The following DOCK8 variants were observed in gnomAD, a reference collection of about 807,000 sequenced individuals.
DOCK8 encodes the protein dedicator of cytokinesis protein 8.
Under a neutral mutation model 245.6 loss-of-function variants are expected in DOCK8, and 141 were observed. That is an observed-to-expected ratio of 0.57 (90% CI 0.50 to 0.66). DOCK8 has a LOEUF of 0.66. DOCK8 is among the 30% of genes least tolerant of loss of function. The pLI is 0.00. For missense variants in DOCK8, 2,965 were observed against 2,603.4 expected, an observed-to-expected ratio of 1.14 and a Z score of -3.02; for synonymous variants, 1,168 against 970.2, an observed-to-expected ratio of 1.20 and a Z score of -3.79.
intron 2 of DOCK8, among the ~76,000 whole-genome samples, chr9:285,905 C>G (rs954223373): frequency 6.6e-6 from 1 of 152,074 alleles, no homozygotes; most frequent in Non-Finnish European, 1.5e-5. Flanking sequence ...AAATCACTGC[C>G]CTGGATTGTT....
intron 23 of DOCK8, among the ~76,000 whole-genome samples, chr9:389,372 C>T (rs374637935): frequency 6.6e-6 from 1 of 152,200 alleles, no homozygotes; most frequent in African/African-American, 2.4e-5. Flanking sequence ...CAAAGTGGAG[C>T]TGGGGGACTT....
intron 10 of DOCK8, 108 bp downstream of exon 10, chr9:332,586 A>G (rs2051068281): frequency 2.8e-6 from 2 of 710,518 alleles, no homozygotes; most frequent in Non-Finnish European, 5.0e-6. Context: ...GTGTCCCTAT[A>G]TAAGACACTA....
chr9:284,575 A>C (rs2048730583), intron 2 of DOCK8: 1 of 152,214 alleles, frequency 6.6e-6, no homozygotes, highest in African/African-American at 2.4e-5. Context: ...AATGTAAGTC[A>C]GCAATCTCAT....
In DOCK8 at chr9:332,429, G is replaced by A. The variant is rs1427585904; in HGVS notation, c.1076G>A (p.Gly359Glu). Residue 359 changes from glycine (G) to glutamate (E), a missense_variant, in exon 10 of 48, where the codon GGA (glycine) becomes GAA (glutamate). Physicochemically the swap from Gly to Glu is moderately conservative, Grantham distance 98. Around this residue, in one of 3 missense-constraint regions of DOCK8, gnomAD observed 2,825 missense variants for 2,453.5 expected, o/e 1.15. Coordinates refer to ENST00000432829, the MANE Select transcript of DOCK8 (RefSeq NM_203447.4). The stretch of plus-strand genomic sequence containing the variant: ...AAAGTCCTGCAGCAGGGAGAGATTG[G>A]AGACTGTGCAGAGCCCTACACGGTT... ...IEKVLQQGEI[G>E]DCAEPYTVIK... 2 of 1,613,292 alleles carry A rather than the reference G, an allele frequency of 1.2e-6. No homozygotes were observed. The highest frequency in any genetic ancestry group is 1.6e-4 in the Middle Eastern group (1 of 6,062).
At chr9:214,619 C>A (rs1332626773), upstream of DOCK8, 1 of 1,613,420 alleles carries the variant, frequency 6.2e-7, no homozygotes, top group Non-Finnish European at 8.5e-7. Flanking sequence ...TTCCGGCCTG[C>A]GCGCAGTGGT....
intron 10 of DOCK8, among the ~76,000 whole-genome samples, chr9:333,373 G>T (rs550514833): frequency 1.3e-5 from 2 of 152,180 alleles, no homozygotes; most frequent in African/African-American, 2.4e-5. Flanking sequence ...AGGCCAAGGC[G>T]GGCAGATCAT....
intron 1 of DOCK8, among the ~76,000 whole-genome samples, chr9:246,347 C>T (rs1377180369): frequency 6.6e-6 from 1 of 152,056 alleles, no homozygotes; most frequent in African/African-American, 2.4e-5. Context: ...AGCGTGACCC[C>T]ATCTCTACAA....
chr9:364,945 C>A (rs1252182794), intron 14 of DOCK8, among the ~76,000 whole-genome samples: 1 of 152,058 alleles, frequency 6.6e-6, no homozygotes, highest in Non-Finnish European at 1.5e-5. Flanking sequence ...TGAGCTCAAC[C>A]CCAAAGATGA....
At chr9:270,049 C>G (rs1490881887) in intron 1 of DOCK8, among the ~76,000 whole-genome samples, 2 of 152,180 alleles carry the variant, frequency 1.3e-5, no homozygotes, top group Non-Finnish European at 2.9e-5. Flanking sequence ...TATTGCCCCT[C>G]TTTCTTGTTA....
At chr9:430,330 C>T (rs2131719696) in intron 36 of DOCK8, among the ~76,000 whole-genome samples, 1 of 151,616 alleles carries the variant, frequency 6.6e-6, no homozygotes, top group African/African-American at 2.4e-5. Flanking sequence ...GCCGAGATTG[C>T]CCCATTTCAC....
At chr9:332,552 A>C in intron 10 of DOCK8, 74 bp downstream of exon 10, 1 of 1,044,498 alleles carries the variant, frequency 9.6e-7, no homozygotes, top group Non-Finnish European at 1.5e-6. Flanking sequence ...TTACACAAAT[A>C]GTTAATGGGC....
chr9:236,541 A>G (rs1351857673), intron 1 of DOCK8, among the ~76,000 whole-genome samples: 1 of 152,172 alleles, frequency 6.6e-6, no homozygotes, highest in African/African-American at 2.4e-5. Flanking sequence ...AACTTCCACT[A>G]TGGCATCATA....
At chr9:400,354 T>TCCACCATCACCACCA (rs1564013552) in intron 26 of DOCK8, among the ~76,000 whole-genome samples, 1 of 10,354 alleles carries the variant, frequency 9.7e-5, no homozygotes, top group African/African-American at 9.3e-4. Context: ...CACCACCACC[T>TCCACCATCACCACCA]CCTCCACCAT....
Position 371,574 on chromosome 9 carries a change from G to C in DOCK8, c.2007+8G>C, listed in dbSNP as rs1277680524. On this transcript the variant is annotated splice_region_variant and intron_variant, in intron 17 of 47. Coordinates refer to ENST00000432829, the MANE Select transcript of DOCK8 (RefSeq NM_203447.4). ...ACTCTCCTGGGATATTCAGTGAGTT[G>C]TTTCCAGCCTGCTGACTCACACTGC... is the stretch of plus-strand genomic sequence containing the variant. The C allele has an allele frequency of 6.2e-7, 1 of 1,614,048 alleles. No homozygotes were observed. Among genetic ancestry groups the C allele is most frequent in the African/African-American group, 1.3e-5 (1 of 74,948 alleles).
At chr9:400,298 CCATCTTCACCGT>C (rs1166632084) in intron 26 of DOCK8, among the ~76,000 whole-genome samples, 4 of 71,834 alleles carry the variant, frequency 5.6e-5, no homozygotes, top group Non-Finnish European at 7.9e-5. Context: ...ACCACCACCA[CCATCTTCACCGT>C]CACCACCACC....
At chr9:395,253 T>C (rs2054394252) in intron 24 of DOCK8, among the ~76,000 whole-genome samples, 3 of 152,164 alleles carry the variant, frequency 2.0e-5, no homozygotes, top group African/African-American at 4.8e-5. Flanking sequence ...CTTTAGGGTT[T>C]GATGTCCTTA....
intron 24 of DOCK8, among the ~76,000 whole-genome samples, chr9:395,721 GC>G (rs563574974): frequency 2.3e-4 from 35 of 152,184 alleles, no homozygotes; most frequent in African/African-American, 8.0e-4. Flanking sequence ...TGACAAGGGG[GC>G]CCATATTGAC....
Position 422,633 on chromosome 9 carries a change from A to G in DOCK8, c.4241+498A>G, listed in dbSNP as rs555292216. On this transcript the variant is annotated intron_variant, in intron 33 of 47. Coordinates refer to ENST00000432829, the MANE Select transcript of DOCK8 (RefSeq NM_203447.4). The stretch of plus-strand genomic sequence containing the variant: ...ATTGCCATCAAAATGTTTTAAAATC[A>G]TCTTAATGACATGGGGAAATGCTTA... Among the ~76,000 whole-genome samples the G allele has an allele frequency of 1.3e-4, 20 of 152,374 alleles. No homozygotes were observed. In the South Asian group the frequency reaches 3.7e-3, roughly 28 times the overall value.
Position 413,337 on chromosome 9 carries a change from T to C in DOCK8, c.3531-1445T>C, listed in dbSNP as rs186734663. 2.2e-4 allele frequency among the ~76,000 whole-genome samples: 34 copies of C among 152,208 alleles called. No homozygotes were observed. In the East Asian group the frequency reaches 6.2e-3, roughly 28 times the overall value. On this transcript the variant is annotated intron_variant, in intron 28 of 47. Transcript: ENST00000432829. ...AATTATAGAGGTAATCATCATAGAC[T>C]TAGAAAAGGCAGTGGTTTCTTAGAT... is the stretch of plus-strand genomic sequence containing the variant.
Sources: gnomAD v4.1 joint callset for allele counts (sites outside exome capture counted in the v4.1 genomes callset) on GRCh38, gnomAD v4.1.1 for gene constraint, gnomAD v4.1.1 regional missense constraint, MANE v1.5 for transcripts, NCBI Gene and HGNC (gene_info 2026-07-23, HGNC 2026-07-21) for gene names.